The following WASHC5 variants were observed in gnomAD, a reference collection of about 807,000 sequenced individuals.
WASHC5 encodes WASH complex subunit 5.
Under a neutral mutation model 150.4 loss-of-function variants are expected in WASHC5, and 101 were observed. The ratio of observed to expected loss-of-function variants is 0.67; its 90% CI spans 0.57 to 0.79. WASHC5 has a LOEUF of 0.79. Among genes scored for constraint, WASHC5 ranks in the 30% least tolerant of loss-of-function variants. The pLI, the probability that WASHC5 is intolerant of heterozygous loss-of-function variation, is 0.00. For missense variants in WASHC5, 1,195 were observed against 1,396.3 expected, an observed-to-expected ratio of 0.86 and a Z score of 2.30; for synonymous variants, 467 against 491.2, an observed-to-expected ratio of 0.95 and a Z score of 0.65.
intron 27 of WASHC5, among the ~76,000 whole-genome samples, chr8:125,030,637 TA>T (rs71295816): frequency 0.031 from 1,662 of 52,800 alleles, 10 homozygotes; most frequent in Non-Finnish European, 0.042. Flanking sequence ...CTCTTTCTCA[TA>T]AAAAAAAAAA....
chr8:125,074,508 A>C (rs765737073), intron 8 of WASHC5, among the ~76,000 whole-genome samples: 1 of 152,152 alleles, frequency 6.6e-6, no homozygotes, highest in Non-Finnish European at 1.5e-5. Context: ...TGTAAGAACA[A>C]AAGAGATAGA....
chr8:125,081,172 T>C (rs1817248634), intron 5 of WASHC5, among the ~76,000 whole-genome samples: 1 of 151,526 alleles, frequency 6.6e-6, no homozygotes, highest in Admixed American at 6.6e-5. Flanking sequence ...ATATAATTTA[T>C]AATCATTATG....
chr8:125,030,017 A>G (rs1182306265), intron 27 of WASHC5, among the ~76,000 whole-genome samples: 1 of 152,206 alleles, frequency 6.6e-6, no homozygotes, highest in African/African-American at 2.4e-5. Flanking sequence ...GCTCTGCTGA[A>G]TCAGAAAGCC....
At chr8:125,078,689 A>G in intron 6 of WASHC5, 49 bp downstream of exon 6, 1 of 1,413,414 alleles carries the variant, frequency 7.1e-7, no homozygotes, top group South Asian at 1.1e-5. Context: ...GGGAAGTGAA[A>G]TCAGTCTGTT....
intron 23 of WASHC5, among the ~76,000 whole-genome samples, chr8:125,042,356 A>T (rs1272276270): frequency 6.6e-6 from 1 of 152,214 alleles, no homozygotes; most frequent in Non-Finnish European, 1.5e-5. Context: ...TGAGCTCAAT[A>T]GCTACACAGG....
At chr8:125,078,715 G>C (rs1401173821) in intron 6 of WASHC5, 23 bp downstream of exon 6, 5 of 1,499,682 alleles carry the variant, frequency 3.3e-6, no homozygotes, top group Non-Finnish European at 4.5e-6. Context: ...GTCTTAATAG[G>C]TCTTAATAGA....
chr8:125,082,436 T>A lies in WASHC5; in HGVS notation c.364A>T (p.Ile122Phe). 1 of 1,588,826 alleles carries A rather than the reference T, an allele frequency of 6.3e-7. No homozygotes were observed. Among genetic ancestry groups the A allele is most frequent in the Non-Finnish European group, 8.6e-7 (1 of 1,157,398 alleles). Reference protein sequence around the residue: ...YLDDLNEGVYIQQTLETVLLN... With the variant: ...YLDDLNEGVYFQQTLETVLLN... ...AGCACAGTTTCTAAGGTTTGCTGAA[T>A]ATAAACCCCTTCATTGAGATCATCT... The change falls in exon 4 of 29, where the codon ATT becomes TTT. Residue 122 changes from isoleucine (I) to phenylalanine (F), a missense_variant. Ile to Phe is a conservative substitution (Grantham distance 21, BLOSUM62 0). Around this residue, in one of 3 missense-constraint regions of WASHC5, gnomAD observed 195 missense variants for 206.9 expected, o/e 0.94. Transcript: ENST00000318410.
At chr8:125,048,955 A>G (rs1298494510) in intron 19 of WASHC5, 51 bp downstream of exon 19, 7 of 1,452,112 alleles carry the variant, frequency 4.8e-6, no homozygotes, top group Non-Finnish European at 6.6e-6. Flanking sequence ...TGTGTACTCT[A>G]AACATGAGAA....
At chr8:125,066,640 T>G (rs1396746983) in intron 10 of WASHC5, among the ~76,000 whole-genome samples, 1 of 152,222 alleles carries the variant, frequency 6.6e-6, no homozygotes, top group Non-Finnish European at 1.5e-5. Context: ...CTCATGGCTC[T>G]TAGGATAAAG....
intron 27 of WASHC5, among the ~76,000 whole-genome samples, chr8:125,029,931 C>G (rs1448060462): frequency 1.3e-5 from 2 of 152,132 alleles, no homozygotes; most frequent in Non-Finnish European, 2.9e-5. Context: ...AATCTGTGAC[C>G]AGGGCTATAT....
intron 27 of WASHC5, among the ~76,000 whole-genome samples, chr8:125,031,575 C>T (rs1191533513): frequency 2.6e-5 from 4 of 152,094 alleles, no homozygotes; most frequent in Non-Finnish European, 5.9e-5. Context: ...CGCTTTGATT[C>T]GTTTTTTACA....
intron 17 of WASHC5, among the ~76,000 whole-genome samples, chr8:125,052,804 CCTTGA>C (rs1348570316): frequency 3.3e-5 from 5 of 152,122 alleles, no homozygotes; most frequent in African/African-American, 9.7e-5. Flanking sequence ...TACAGATGCT[CCTTGA>C]CTTAAGATGG....
rs79464415 is a variant in WASHC5, at chr8:125,075,109, T to G, written c.867A>C (p.Val289=). 1,398 of 1,556,028 alleles carry G rather than the reference T, an allele frequency of 9.0e-4. 11 individuals are homozygous for G. In the African/African-American group the frequency reaches 0.017, roughly 19 times the overall value. The part of the protein sequence containing the change: ...IVDKYFPDNW[V]ISIYMGITVN... Reference sequence around the variant, plus strand: ...CTGTGATCCCCATGTAAATACTAATTACCTGAAAGAGGAGACATTCAGAAT... The same window carrying G: ...CTGTGATCCCCATGTAAATACTAATGACCTGAAAGAGGAGACATTCAGAAT... Residue 289 remains valine (V), a splice_region_variant and synonymous_variant, in exon 8 of 29, where the codon GTA becomes GTC. Coordinates refer to ENST00000318410, the MANE Select transcript of WASHC5 (RefSeq NM_014846.4).
At chr8:125,079,635 A>G (rs1252423659) in intron 5 of WASHC5, among the ~76,000 whole-genome samples, 1 of 152,230 alleles carries the variant, frequency 6.6e-6, no homozygotes, top group African/African-American at 2.4e-5. Context: ...TGGCATATAG[A>G]TCATACACAA....
chr8:125,044,355 T>C lies in WASHC5; in HGVS notation c.2667+181A>G. 4 of 733,506 alleles carry C rather than the reference T, an allele frequency of 5.5e-6. No homozygotes were observed. The South Asian group carries it at 6.5e-5, about 12-fold the overall frequency. The allele number at this position is 733,506 out of a possible 1,614,324, so 45.4% of individuals were successfully genotyped here. On this transcript the variant is annotated intron_variant, in intron 21 of 28. Coordinates refer to ENST00000318410, the MANE Select transcript of WASHC5 (RefSeq NM_014846.4). The stretch of plus-strand genomic sequence containing the variant: ...AAACAGTCTAATCCTAAAAGTACTA[T>C]GCTGGCCAAACAAATTCTAGTTTAT...
At chr8:125,075,432 C>T (rs1043862482) in intron 7 of WASHC5, among the ~76,000 whole-genome samples, 1 of 151,830 alleles carries the variant, frequency 6.6e-6, no homozygotes, top group African/African-American at 2.4e-5. Context: ...TTTAAAATCC[C>T]TTCATTTTCA....
Position 125,024,458 on chromosome 8 carries a change from G to A in WASHC5, c.*159C>T. 4.4e-6 allele frequency: 3 copies of A among 679,502 alleles called. No homozygotes were observed. Among genetic ancestry groups the A allele is most frequent in the Non-Finnish European group, 2.7e-6 (1 of 369,406 alleles). The allele number at this position is 679,502 out of a possible 1,614,324, so 42.1% of individuals were successfully genotyped here. On this transcript the variant is annotated 3_prime_UTR_variant, in exon 29 of 29. Coordinates refer to ENST00000318410, the MANE Select transcript of WASHC5 (RefSeq NM_014846.4). ...AACAATATCAGTTATATTAACTAAT[G>A]CCATGAGATATATCTTACTCAGAAC...
chr8:125,075,223 A>G (rs1817016734), intron 7 of WASHC5, 112 bp from the exon 8 acceptor site: 2 of 742,022 alleles, frequency 2.7e-6, no homozygotes, highest in Admixed American at 3.9e-5. Context: ...TTCCATTCCA[A>G]TGAAAAACCA....
In WASHC5 at chr8:125,043,829, A is replaced by G. The variant is rs1182525812; in HGVS notation, c.2846T>C (p.Met949Thr). 1.9e-6 allele frequency: 3 copies of G among 1,605,624 alleles called. No homozygotes were observed. Among genetic ancestry groups the G allele is most frequent in the East Asian group, 4.5e-5 (2 of 44,822 alleles). ...ACCCTCTCTTCTACAACATACCTTC[A>G]TTATAGCCTCGAGATACGCAGTCCA... ...KIWTAYLEAI[M>T]KVGQMQILRQ... is the part of the protein sequence containing the mutation. The change falls in exon 23 of 29, where the codon ATG becomes ACG. Residue 949 changes from methionine to threonine, a missense_variant. Physicochemically the swap from Met to Thr is moderately conservative, Grantham distance 81. This residue lies in a region of WASHC5 where 997 missense variants were observed against 1,168.1 expected (regional missense o/e 0.85). Transcript: ENST00000318410.
Sources: allele counts gnomAD v4.1 joint callset (sites outside exome capture counted in the v4.1 genomes callset), GRCh38; gene constraint gnomAD v4.1.1; regional missense constraint gnomAD v4.1.1; transcripts MANE v1.5; gene names NCBI Gene and HGNC (gene_info 2026-07-23, HGNC 2026-07-21).